KALRN: variants seen among roughly 807,000 people sequenced by gnomAD.
KALRN encodes kalirin RhoGEF kinase.
Under a neutral mutation model 353.7 loss-of-function variants are expected in KALRN, and 70 were observed. The observed-to-expected ratio is 0.20, with a 90% CI of 0.16 to 0.24. The LOEUF (loss-of-function observed/expected upper bound fraction) is 0.24. Ranked by LOEUF, KALRN falls within the 10% of genes least tolerant of loss-of-function variation. KALRN has a pLI of 1.00. For missense variants in KALRN, 2,791 were observed against 3,756.7 expected (o/e 0.74, Z 6.72); for synonymous variants, 1,391 against 1,434.8 (o/e 0.97, Z 0.69).
chr3:124,190,213 T>C (rs190527123), intron 1 of KALRN, among the ~76,000 whole-genome samples: 2 of 152,202 alleles, frequency 1.3e-5, no homozygotes, highest in African/African-American at 4.8e-5. Context: ...AGGCAAAGAA[T>C]AGTGTGAAAG....
intron 1 of KALRN, among the ~76,000 whole-genome samples, chr3:124,074,935 G>A (rs2060193855): frequency 6.6e-6 from 1 of 152,094 alleles, no homozygotes; most frequent in East Asian, 1.9e-4. Flanking sequence ...GAAATTTTAT[G>A]TAAATTAAAT....
At chr3:124,336,185 A>G (rs1368753256) in intron 9 of KALRN, among the ~76,000 whole-genome samples, 2 of 152,168 alleles carry the variant, frequency 1.3e-5, no homozygotes, top group Non-Finnish European at 2.9e-5. Flanking sequence ...CAGTTGAGTT[A>G]TCAGAGGCAA....
chr3:124,677,324 G>C, intron 49 of KALRN: 1 of 208,524 alleles, frequency 4.8e-6, no homozygotes, highest in South Asian at 7.4e-5. Context: ...TGGTATCTCT[G>C]TCTTTGAGAT....
intron 2 of KALRN, 126 bp downstream of exon 2, chr3:124,228,190 T>C: frequency 3.7e-6 from 3 of 813,742 alleles, no homozygotes; most frequent in Non-Finnish European, 6.5e-6. Flanking sequence ...TTGGGGCAGC[T>C]GCTTTCTTTC....
At chr3:124,057,854 A>G (rs369861139) in intron 1 of KALRN, among the ~76,000 whole-genome samples, 1 of 152,224 alleles carries the variant, frequency 6.6e-6, no homozygotes, top group Non-Finnish European at 1.5e-5. Context: ...TGAGGGGTCA[A>G]ACTACCTGGA....
chr3:124,688,163 T>G (rs1476633271), intron 51 of KALRN, among the ~76,000 whole-genome samples: 1 of 151,584 alleles, frequency 6.6e-6, no homozygotes, highest in Non-Finnish European at 1.5e-5. Context: ...ATAGAAAAAA[T>G]TAGTTGGATG....
rs376017889 is a variant in KALRN, at chr3:124,632,694, C to T, written c.5457C>T (p.Ser1819=). ...ATGAAACAACCCCTCAGGGAGACAG[C>T]GCTGATGAGGTACTTACAGGGGGCC... ...PGDETTPQGD[S]ADESKKGWGE... The change falls in exon 35 of 60, where the codon AGC becomes AGT. Residue 1819 remains serine (S), a synonymous_variant. Coordinates refer to ENST00000682506, the MANE Select transcript of KALRN (RefSeq NM_001388419.1). 42 of 1,613,734 alleles carry T rather than the reference C, an allele frequency of 2.6e-5. No individual in the cohort carries two copies. The highest frequency in any genetic ancestry group is 1.2e-4 in the Admixed American group (7 of 60,016).
chr3:124,505,955 T>G (rs1488909917), intron 33 of KALRN, among the ~76,000 whole-genome samples: 1 of 152,210 alleles, frequency 6.6e-6, no homozygotes, highest in Non-Finnish European at 1.5e-5. Flanking sequence ...TCATCACTTC[T>G]GGTGACTACT....
At chr3:124,180,855 C>T (rs2073472009) in intron 1 of KALRN, among the ~76,000 whole-genome samples, 2 of 145,944 alleles carry the variant, frequency 1.4e-5, no homozygotes, top group Non-Finnish European at 1.5e-5. Context: ...TAATGAACAA[C>T]ACTGTCCTCA....
intron 39 of KALRN, 51 bp from the exon 40 acceptor site, chr3:124,657,397 G>C (rs35763746): frequency 2.2e-6 from 3 of 1,346,910 alleles, no homozygotes; most frequent in Non-Finnish European, 3.2e-6. Context: ...GCATGGCCCA[G>C]AAAGCTTTCC....
chr3:124,457,717 G>A (rs2059457492), intron 23 of KALRN, among the ~76,000 whole-genome samples: 1 of 152,172 alleles, frequency 6.6e-6, no homozygotes, highest in Admixed American at 6.5e-5. Context: ...AAACCACACA[G>A]ATGGTGAGCA....
intron 48 of KALRN, among the ~76,000 whole-genome samples, chr3:124,673,265 T>G (rs2086700892): frequency 6.6e-6 from 1 of 151,270 alleles, no homozygotes; most frequent in Non-Finnish European, 1.5e-5. Flanking sequence ...CACGGTAGCA[T>G]GCACCTGTTG....
At chr3:124,133,912 C>T (rs2065609351) in intron 1 of KALRN, among the ~76,000 whole-genome samples, 1 of 152,174 alleles carries the variant, frequency 6.6e-6, no homozygotes, top group Admixed American at 6.5e-5. Context: ...ATCCCATGCT[C>T]ATGGATGGGT....
intron 33 of KALRN, among the ~76,000 whole-genome samples, chr3:124,498,658 T>C (rs1222778104): frequency 6.6e-6 from 1 of 152,222 alleles, no homozygotes; most frequent in African/African-American, 2.4e-5. Flanking sequence ...ATGTTATGTG[T>C]GTACACAAAA....
At chr3:124,410,998 T>C (rs1176626722) in intron 13 of KALRN, among the ~76,000 whole-genome samples, 1 of 152,176 alleles carries the variant, frequency 6.6e-6, no homozygotes, top group African/African-American at 2.4e-5. Flanking sequence ...ATATGTACAA[T>C]GATACTCTAC....
intron 10 of KALRN, among the ~76,000 whole-genome samples, chr3:124,376,167 G>A (rs1246854891): frequency 1.3e-5 from 2 of 152,174 alleles, no homozygotes; most frequent in Non-Finnish European, 2.9e-5. Context: ...TCTCAGTACC[G>A]AAACTACTTG....
At chr3:124,518,745 C>A in intron 33 of KALRN, 1 of 1,360,930 alleles carries the variant, frequency 7.3e-7, no homozygotes, top group Non-Finnish European at 9.5e-7. Flanking sequence ...TGTGAGAGGC[C>A]CAATGGCCCA....
chr3:124,466,044 G>C (rs1007827733), intron 25 of KALRN, among the ~76,000 whole-genome samples: 2 of 88,046 alleles, frequency 2.3e-5, no homozygotes, highest in African/African-American at 4.5e-5. Flanking sequence ...CTGTGTGTGT[G>C]TGTGTGTGTG....
intron 5 of KALRN, among the ~76,000 whole-genome samples, chr3:124,269,619 G>C (rs539547162): frequency 1.3e-5 from 2 of 152,196 alleles, no homozygotes; most frequent in African/African-American, 4.8e-5. Flanking sequence ...AAGCTGCCCC[G>C]AGTGCCTGCA....
Sources: allele counts gnomAD v4.1 joint callset (sites outside exome capture counted in the v4.1 genomes callset), GRCh38; gene constraint gnomAD v4.1.1; transcripts MANE v1.5; gene names NCBI Gene and HGNC (gene_info 2026-07-23, HGNC 2026-07-21).